Variants in HSPA12A observed in about 807,000 individuals in gnomAD.
The protein encoded by HSPA12A is heat shock 70 kDa protein 12A.
HSPA12A carries 28 observed loss-of-function variants against 69.2 expected under a neutral mutation model. The observed-to-expected ratio is 0.40, with a 90% CI of 0.30 to 0.55. The LOEUF is 0.55. Among genes scored for constraint, HSPA12A ranks in the 20% least tolerant of loss-of-function variants. The pLI, the probability that HSPA12A is intolerant of heterozygous loss-of-function variation, is 0.38. For missense variants in HSPA12A, 686 were observed against 900.7 expected, an observed-to-expected ratio of 0.76 and a Z score of 3.05; for synonymous variants, 345 against 370.5, an observed-to-expected ratio of 0.93 and a Z score of 0.79.
upstream of HSPA12A, among the ~76,000 whole-genome samples, chr10:116,744,153 C>T (rs533707087): frequency 6.6e-6 from 1 of 152,342 alleles, no homozygotes; most frequent in South Asian, 2.1e-4. Context: ...CAGCTACAGC[C>T]GCTCTGATTC....
At position 116,683,766 on chromosome 10, in the gene HSPA12A, A is replaced by AGG. The variant is rs2133371624; in HGVS notation, c.835+23_835+24dup. 4 of 1,493,526 alleles carry AGG rather than the reference A, an allele frequency of 2.7e-6. No homozygotes were observed. The East Asian group carries it at 9.4e-5, about 35-fold the overall frequency. The allele number at this position is 1,493,526 out of a possible 1,614,324, so 92.5% of individuals were successfully genotyped here. A position where few individuals can be genotyped will look rare whatever the true frequency, so the allele number is the denominator to read the frequency against. On this transcript the variant is annotated intron_variant, in intron 7 of 11. Transcript: ENST00000369209. ...GGGCTTGGGAAGGAAGGAGAGCAGG[A>AGG]GGGGGAGAGAGAGAGCAGAGGTACC...
At chr10:116,700,049 T>C (rs1277181678) in intron 4 of HSPA12A, among the ~76,000 whole-genome samples, 2 of 152,240 alleles carry the variant, frequency 1.3e-5, no homozygotes, top group Non-Finnish European at 2.9e-5. Flanking sequence ...CGTATTTTGA[T>C]TCCTTTAATC....
At chr10:116,718,238 G>A (rs782694415) in intron 1 of HSPA12A, among the ~76,000 whole-genome samples, 12 of 152,242 alleles carry the variant, frequency 7.9e-5, no homozygotes, top group Admixed American at 2.0e-4. Flanking sequence ...AGAAAGGGCC[G>A]AGGCCATTCC....
At chr10:116,762,124 C>T (rs12262871) in intron 2 of HSPA12A, among the ~76,000 whole-genome samples, 36,679 of 152,106 alleles carry the variant, frequency 0.24, 4,534 homozygotes, top group South Asian at 0.3. Flanking sequence ...CTTGTCCTCA[C>T]GGACCTTTGG....
rs573661332 is a variant in HSPA12A, at chr10:116,706,318, G to A, written c.126+882C>T. On this transcript the variant is annotated intron_variant, in intron 2 of 11. Coordinates refer to ENST00000369209, the MANE Select transcript of HSPA12A (RefSeq NM_025015.3). ...CACCCGCCTGGCCTCTCCTCACACC[G>A]CTCCCCTCCCTCACAGCCCTGAAGC... 9.9e-5 allele frequency among the ~76,000 whole-genome samples: 15 copies of A among 151,660 alleles called. No homozygotes were observed. In the South Asian group the frequency reaches 2.3e-3, roughly 23 times the overall value.
At chr10:116,689,414 C>T (rs947717325) in intron 6 of HSPA12A, among the ~76,000 whole-genome samples, 58 of 152,156 alleles carry the variant, frequency 3.8e-4, no homozygotes, top group African/African-American at 1.4e-3. Flanking sequence ...GGATGGGATG[C>T]ACTTTGGGTA....
intron 2 of HSPA12A, among the ~76,000 whole-genome samples, chr10:116,817,311 C>A (rs1845324230): frequency 2.0e-5 from 3 of 152,056 alleles, no homozygotes; most frequent in Non-Finnish European, 4.4e-5. Flanking sequence ...AGTGAATGAA[C>A]CCTGGCTACA....
chr10:116,741,282 G>C (rs1554887111), intron 1 of HSPA12A, among the ~76,000 whole-genome samples: 1 of 152,270 alleles, frequency 6.6e-6, no homozygotes, highest in Non-Finnish European at 1.5e-5. Flanking sequence ...CCGCAGGCCC[G>C]ACAGCAAGAC....
At position 116,710,652 on chromosome 10, in the gene HSPA12A, T is replaced by A. The variant is rs1554882960; in HGVS notation, c.41-3367A>T. Among the ~76,000 whole-genome samples, 1 of 152,244 alleles carries A rather than the reference T, an allele frequency of 6.6e-6. No homozygotes were observed. The highest frequency in any genetic ancestry group is 6.5e-5 in the Admixed American group (1 of 15,288). Reference sequence around the variant, plus strand: ...TTCATGGACTTTTTCCATCAGAAGTTAAAATTCAGCTACACTGTGCAATGA... The same window carrying A: ...TTCATGGACTTTTTCCATCAGAAGTAAAAATTCAGCTACACTGTGCAATGA... On this transcript the variant is annotated intron_variant, in intron 1 of 11. Coordinates refer to ENST00000369209, the MANE Select transcript of HSPA12A (RefSeq NM_025015.3). The surrounding 1 kb of genome is among the most constrained non-coding windows in gnomAD (Gnocchi z 4.1).
intron 1 of HSPA12A, among the ~76,000 whole-genome samples, chr10:116,741,048 T>C (rs1269117509): frequency 6.6e-6 from 1 of 150,750 alleles, no homozygotes; most frequent in Non-Finnish European, 1.5e-5. Context: ...ATTGCCTGCG[T>C]TCACCAGCTG....
intron 1 of HSPA12A, chr10:116,835,313 T>C: frequency 5.9e-6 from 1 of 170,834 alleles, no homozygotes; most frequent in Non-Finnish European, 1.2e-5. Flanking sequence ...AGATGGAAAA[T>C]TACAAAAACC....
intron 2 of HSPA12A, among the ~76,000 whole-genome samples, chr10:116,828,470 C>G (rs1845551891): frequency 6.6e-6 from 1 of 152,180 alleles, no homozygotes; most frequent in Non-Finnish European, 1.5e-5. Context: ...TCTTAAAGGG[C>G]ACCCAGCTTC....
At chr10:116,745,987 C>T (rs139581065), upstream of HSPA12A, among the ~76,000 whole-genome samples, 575 of 152,228 alleles carry the variant, frequency 3.8e-3, 4 homozygotes, top group African/African-American at 0.013. Flanking sequence ...CACCCACCTC[C>T]CCCTCTAGCT....
chr10:116,739,274 C>T (rs563522118), intron 1 of HSPA12A, among the ~76,000 whole-genome samples: 1 of 152,300 alleles, frequency 6.6e-6, no homozygotes, highest in African/African-American at 2.4e-5. Flanking sequence ...ATGGGGATCA[C>T]AGGGCGTCCT....
At chr10:116,812,431 C>T (rs191680323) in intron 2 of HSPA12A, among the ~76,000 whole-genome samples, 122 of 151,728 alleles carry the variant, frequency 8.0e-4, no homozygotes, top group Non-Finnish European at 1.4e-3. Context: ...CCAGCCTAGG[C>T]GATCGAGTGA....
In HSPA12A at chr10:116,686,567, A is replaced by T. The variant is rs1272966523; in HGVS notation, c.664-2605T>A. On this transcript the variant is annotated intron_variant, in intron 6 of 11. Transcript: ENST00000369209. This position sits in a 1 kb window ranked among gnomAD's most constrained non-coding sequence, Gnocchi z 4.1. Reference sequence around the variant, plus strand: ...AGAAAGGCAAAGACCCAGACGCTACATTACGGTTACCATGTCCCACTGGGA... The same window carrying T: ...AGAAAGGCAAAGACCCAGACGCTACTTTACGGTTACCATGTCCCACTGGGA... 6.6e-6 allele frequency among the ~76,000 whole-genome samples: 1 copy of T among 152,188 alleles called. No individual in the cohort carries two copies. The highest frequency in any genetic ancestry group is 6.5e-5 in the Admixed American group (1 of 15,286).
At chr10:116,816,322 GCCATCC>G (rs558011304) in intron 2 of HSPA12A, among the ~76,000 whole-genome samples, 6 of 152,352 alleles carry the variant, frequency 3.9e-5, no homozygotes, top group South Asian at 4.1e-4. Flanking sequence ...CTGCTCAGCT[GCCATCC>G]CCAGAGGCAG....
At position 116,700,996 on chromosome 10, in the gene HSPA12A, C is replaced by G; in HGVS notation, c.388G>C (p.Ala130Pro). 6.2e-7 allele frequency: 1 copy of G among 1,614,006 alleles called. No homozygotes were observed. Among genetic ancestry groups the G allele is most frequent in the Admixed American group, 1.7e-5 (1 of 60,012 alleles). ...TTCTCCAGGTACAGCCACTGCTTGG[C>G]CTCATTGGGATCCAGGTCATGGTAA... ...DFYHDLDPNE[A>P]KQWLYLEKFK... The change falls in exon 4 of 12, where the codon GCC becomes CCC. Residue 130 changes from alanine (A) to proline (P), a missense_variant. Coordinates refer to ENST00000369209, the MANE Select transcript of HSPA12A (RefSeq NM_025015.3).
rs60041085 is a variant in HSPA12A at position 116,784,644 on chromosome 10, T to C, written c.91+50291A>G. On this transcript the variant is annotated intron_variant, in intron 2 of 12. Coordinates refer to the HSPA12A transcript ENST00000635765. Reference sequence around the variant, plus strand: ...CATTTATGAAGTTGTCTGCCTAGCGTCCCTTTAGCAAGAGTTGCTCCTTCC... The same window carrying C: ...CATTTATGAAGTTGTCTGCCTAGCGCCCCTTTAGCAAGAGTTGCTCCTTCC... 6.9e-3 allele frequency among the ~76,000 whole-genome samples: 1,055 copies of C among 152,316 alleles called. 13 individuals are homozygous for C. Among genetic ancestry groups the C allele is most frequent in the African/African-American group, 0.024 (1,013 of 41,576 alleles).
Sources: gnomAD v4.1 joint callset for allele counts (sites outside exome capture counted in the v4.1 genomes callset) on GRCh38, gnomAD v4.1.1 for gene constraint, Gnocchi (gnomAD v3.1) non-coding constraint, MANE v1.5 for transcripts, NCBI Gene and HGNC (gene_info 2026-07-23, HGNC 2026-07-21) for gene names.